Variants in ZNF7 observed in about 807,000 individuals in gnomAD.
ZNF7 encodes the protein zinc finger protein 7.
In ZNF7, 10 loss-of-function variants were observed where a neutral mutation model predicts 12.0. The ratio of observed to expected loss-of-function variants is 0.83; its 90% CI spans 0.51 to 1.42. The LOEUF is 1.42. Ranked by LOEUF, ZNF7 falls within the 40% of genes most tolerant of loss-of-function variation. The probability of loss-of-function intolerance (pLI) is 0.00; values close to 1 mark genes in which losing one functional copy is unlikely to be tolerated. For missense variants in ZNF7, 854 were observed against 837.2 expected, an observed-to-expected ratio of 1.02 and a Z score of -0.25; for synonymous variants, 334 against 295.0, an observed-to-expected ratio of 1.13 and a Z score of -1.35.
chr8:144,833,269 G>A (rs1399904079), intron 3 of ZNF7, among the ~76,000 whole-genome samples: 1 of 150,844 alleles, frequency 6.6e-6, no homozygotes, highest in Non-Finnish European at 1.5e-5. Flanking sequence ...TCTATGAAAT[G>A]GGATGTTTCT....
In ZNF7 at chr8:144,842,627, G is replaced by A; in HGVS notation, c.1520G>A (p.Ser507Asn). Reference protein sequence around the residue: ...YVCNDCGKAFSQSSSLIYHQR... With the variant: ...YVCNDCGKAFNQSSSLIYHQR... ...TGTAATGACTGTGGAAAAGCCTTCA[G>A]TCAGAGTTCCAGCCTTATTTACCAT... Residue 507 changes from serine (S) to asparagine (N), a missense_variant, in exon 5 of 5, where the codon AGT (serine) becomes AAT (asparagine). Physicochemically the swap from Ser to Asn is conservative, Grantham distance 46. Transcript: ENST00000532777. 1.2e-6 allele frequency: 2 copies of A among 1,614,200 alleles called. No homozygotes were observed. Among genetic ancestry groups the A allele is most frequent in the Non-Finnish European group, 1.7e-6 (2 of 1,180,036 alleles).
At chr8:144,844,778 G>A (rs1830417165), downstream of ZNF7, among the ~76,000 whole-genome samples, 1 of 150,862 alleles carries the variant, frequency 6.6e-6, no homozygotes, top group Admixed American at 6.6e-5. Flanking sequence ...AACAAATATG[G>A]GGAGAAGAAC....
chr8:144,845,484 A>T (rs968029901), downstream of ZNF7, among the ~76,000 whole-genome samples: 1 of 152,100 alleles, frequency 6.6e-6, no homozygotes, highest in Non-Finnish European at 1.5e-5. Flanking sequence ...GGCGTGGCTG[A>T]TGGCAGGTGG....
At chr8:144,829,302 A>G (rs1011092647) in intron 2 of ZNF7, 176 bp from the exon 3 acceptor site, 2 of 1,536,814 alleles carry the variant, frequency 1.3e-6, no homozygotes, top group African/African-American at 2.7e-5. Context: ...ACCACCATGG[A>G]CTGGGTTCCT....
Position 144,829,459 on chromosome 8 carries a change from C to T in ZNF7, c.4-19C>T. On this transcript the variant is annotated intron_variant, in intron 2 of 4. Transcript: ENST00000532777. Reference sequence around the variant, plus strand: ...CTGGCACCCAGGGATTCCTGGGGTGCTGGTGTGTGTCCTTTCAGGAGGTGG... The same window carrying T: ...CTGGCACCCAGGGATTCCTGGGGTGTTGGTGTGTGTCCTTTCAGGAGGTGG... The T allele has an allele frequency of 1.2e-6, 2 of 1,613,842 alleles. No homozygotes were observed. Among genetic ancestry groups the T allele is most frequent in the Non-Finnish European group, 1.7e-6 (2 of 1,179,854 alleles).
At chr8:144,840,132 G>T (rs1485349368) in intron 4 of ZNF7, among the ~76,000 whole-genome samples, 1 of 152,208 alleles carries the variant, frequency 6.6e-6, no homozygotes, top group Admixed American at 6.5e-5. Context: ...GCAGGGGAAG[G>T]CTTGGGAGGA....
chr8:144,838,129 T>C, intron 4 of ZNF7: 1 of 702,994 alleles, frequency 1.4e-6, no homozygotes, highest in Non-Finnish European at 2.6e-6. Flanking sequence ...TGGCAGTCCT[T>C]GGGTTCCTTG....
In ZNF7 at chr8:144,843,284, T is replaced by C; in HGVS notation, c.*116T>C. 7.7e-7 allele frequency: 1 copy of C among 1,302,036 alleles called. No individual in the cohort carries two copies. The highest frequency in any genetic ancestry group is 1.6e-5 in the South Asian group (1 of 63,126). 80.7% of individuals were successfully genotyped at this position (1,302,036 alleles called of 1,614,324 possible). A position where few individuals can be genotyped will look rare whatever the true frequency, so the allele number is the denominator to read the frequency against. On this transcript the variant is annotated 3_prime_UTR_variant, in exon 5 of 5. Coordinates refer to ENST00000532777, the MANE Select transcript of ZNF7 (RefSeq NM_003416.4). ...TAGAATGTTGGTAAAGGTTCAGAAT[T>C]GCTCTCAAGAATATCCAACTTCAGG...
In ZNF7 at chr8:144,838,058, C is replaced by G. The variant is rs199738122; in HGVS notation, c.247+551C>G. On this transcript the variant is annotated intron_variant, in intron 4 of 4. Transcript: ENST00000532777. ...GGGGGGTCAGCAAGCAGGGCCGTGC[C>G]CCCCTGTGAAGGCTTTAGGGAAGGA... The G allele has an allele frequency of 3.0e-4, 205 of 672,546 alleles. 1 individual carries two copies. In the East Asian group the frequency reaches 5.3e-3, roughly 17 times the overall value. 41.7% of individuals were successfully genotyped at this position (672,546 alleles called of 1,614,324 possible).
intron 2 of ZNF7, 110 bp from the exon 3 acceptor site, chr8:144,829,368 G>T: frequency 6.4e-7 from 1 of 1,566,452 alleles, no homozygotes; most frequent in South Asian, 1.2e-5. Context: ...GAGTCCTGGT[G>T]AGCGTCTCGC....
chr8:144,837,349 C>T (rs1338577605), intron 3 of ZNF7, 42 bp from the exon 4 acceptor site: 1 of 1,536,440 alleles, frequency 6.5e-7, no homozygotes, highest in East Asian at 2.3e-5. Context: ...CTGCACACTT[C>T]CCGTCATGCT....
chr8:144,843,337 C>T lies in ZNF7; in HGVS notation c.*169C>T. The T allele has an allele frequency of 1.2e-6, 1 of 814,314 alleles. No homozygotes were observed. The highest frequency in any genetic ancestry group is 1.8e-6 in the Non-Finnish European group (1 of 555,034). The allele number at this position is 814,314 out of a possible 1,614,324, so 50.4% of individuals were successfully genotyped here. On this transcript the variant is annotated 3_prime_UTR_variant, in exon 5 of 5. Coordinates refer to ENST00000532777, the MANE Select transcript of ZNF7 (RefSeq NM_003416.4). Reference sequence around the variant, plus strand: ...GAGTGTGGTGGCTTATGCCTGTCATCCCAGCACTTTGGGAGGCCAAGGCGG... The same window carrying T: ...GAGTGTGGTGGCTTATGCCTGTCATTCCAGCACTTTGGGAGGCCAAGGCGG...
chr8:144,833,340 T>C (rs1349446176), intron 3 of ZNF7, among the ~76,000 whole-genome samples: 2 of 149,872 alleles, frequency 1.3e-5, no homozygotes, highest in Admixed American at 6.7e-5. Context: ...TGGTTTGTTT[T>C]GGTTTTTTTT....
At position 144,842,532 on chromosome 8, in the gene ZNF7, C is replaced by G. The variant is rs765758845; in HGVS notation, c.1425C>G (p.Gly475=). The stretch of plus-strand genomic sequence containing the variant: ...AACCATTTAAATGTGATGAGTGTGG[C>G]AAAGGCTTTGTTCAGGGCTCACACC... ...GEKPFKCDEC[G]KGFVQGSHLI... The change falls in exon 5 of 5, where the codon GGC becomes GGG. Residue 475 remains glycine, a synonymous_variant. Coordinates refer to ENST00000532777, the MANE Select transcript of ZNF7 (RefSeq NM_003416.4). The G allele has an allele frequency of 1.7e-5, 28 of 1,613,800 alleles. No individual in the cohort carries two copies. Among genetic ancestry groups the G allele is most frequent in the Non-Finnish European group, 2.4e-5 (28 of 1,179,970 alleles).
downstream of ZNF7, among the ~76,000 whole-genome samples, chr8:144,844,733 A>T (rs796201981): frequency 2.3e-5 from 3 of 132,432 alleles, no homozygotes; most frequent in Non-Finnish European, 3.2e-5. Flanking sequence ...AAAAAAAAAA[A>T]AAACGAAAAT....
intron 3 of ZNF7, among the ~76,000 whole-genome samples, chr8:144,831,512 G>C (rs999546865): frequency 2.0e-4 from 31 of 152,176 alleles, no homozygotes; most frequent in Non-Finnish European, 4.3e-4. Context: ...GGCCGGGCGC[G>C]GTGGCTCATA....
downstream of ZNF7, among the ~76,000 whole-genome samples, chr8:144,844,666 G>A (rs967229151): frequency 5.8e-5 from 8 of 138,124 alleles, no homozygotes; most frequent in Admixed American, 8.1e-5. Flanking sequence ...CCAAGATCAC[G>A]CCACTGCACT....
Position 144,843,379 on chromosome 8 carries a change from G to T in ZNF7, c.*211G>T, listed in dbSNP as rs1188315476. ...CCAAGGCGGGCACATCACGAGGTCA[G>T]GAGGTTGAGACCATCCTGGGTAACA... is the stretch of plus-strand genomic sequence containing the variant. On this transcript the variant is annotated 3_prime_UTR_variant, in exon 5 of 5. Transcript: ENST00000532777. 5.7e-6 allele frequency: 3 copies of T among 527,242 alleles called. No individual in the cohort carries two copies. The highest frequency in any genetic ancestry group is 9.6e-6 in the Non-Finnish European group (3 of 313,446). The allele number at this position is 527,242 out of a possible 1,614,324, so 32.7% of individuals were successfully genotyped here.
rs761568661 is a variant in ZNF7, at chr8:144,829,478, G to A, written c.4G>A (p.Glu2Lys). The change falls in exon 3 of 5, where the codon GAG becomes AAG. Residue 2 changes from glutamate to lysine, a missense_variant and splice_region_variant. Glu to Lys is a moderately conservative substitution (Grantham distance 56, BLOSUM62 1). Transcript: ENST00000532777. Reference sequence around the variant, plus strand: ...GGGGTGCTGGTGTGTGTCCTTTCAGGAGGTGGTAACATTTGGCGATGTGGC... The same window carrying A: ...GGGGTGCTGGTGTGTGTCCTTTCAGAAGGTGGTAACATTTGGCGATGTGGC... MEVVTFGDVAVH... is the reference protein window; with the variant it reads MKVVTFGDVAVH... The A allele has an allele frequency of 6.2e-7, 1 of 1,614,118 alleles. No individual in the cohort carries two copies. The highest frequency in any genetic ancestry group is 2.2e-5 in the East Asian group (1 of 44,884).
Sources: allele counts gnomAD v4.1 joint callset (sites outside exome capture counted in the v4.1 genomes callset), GRCh38; gene constraint gnomAD v4.1.1; transcripts MANE v1.5; gene names NCBI Gene and HGNC (gene_info 2026-07-23, HGNC 2026-07-21).